Variants in NRCAM observed in about 807,000 individuals in gnomAD.
NRCAM encodes the protein NgCAM-related cell adhesion molecule.
NRCAM carries 83 observed loss-of-function variants against 156.5 expected under a neutral mutation model. The observed-to-expected ratio is 0.53, with a 90% CI of 0.44 to 0.64. The LOEUF (loss-of-function observed/expected upper bound fraction) is 0.64. Among genes scored for constraint, NRCAM ranks in the 30% least tolerant of loss-of-function variants. The pLI is 0.00. For missense variants in NRCAM, 1,417 were observed against 1,597.3 expected, an observed-to-expected ratio of 0.89 and a Z score of 1.92; for synonymous variants, 538 against 563.9, an observed-to-expected ratio of 0.95 and a Z score of 0.65.
chr7:108,234,172 C>T (rs2094641518), intron 6 of NRCAM, among the ~76,000 whole-genome samples: 1 of 152,148 alleles, frequency 6.6e-6, no homozygotes, highest in African/African-American at 2.4e-5. Flanking sequence ...TTGCCTGTGC[C>T]TTATGGCCAT....
At chr7:108,439,959 G>C (rs2154479989) in intron 1 of NRCAM, among the ~76,000 whole-genome samples, 1 of 152,022 alleles carries the variant, frequency 6.6e-6, no homozygotes, top group Middle Eastern at 3.4e-3. Flanking sequence ...AAATAGTTTG[G>C]TAATGTCTTA....
intron 1 of NRCAM, among the ~76,000 whole-genome samples, chr7:108,404,810 C>T (rs1234657342): frequency 6.6e-6 from 1 of 152,136 alleles, no homozygotes; most frequent in Non-Finnish European, 1.5e-5. Context: ...ACAATGAGAG[C>T]CCTGCCACCC....
intron 3 of NRCAM, among the ~76,000 whole-genome samples, chr7:108,311,180 G>T (rs972680798): frequency 1.3e-5 from 2 of 152,104 alleles, no homozygotes; most frequent in African/African-American, 4.8e-5. Flanking sequence ...CTACCTTATA[G>T]ATATCAGACA....
In NRCAM at chr7:108,232,365, C is replaced by T. The variant is rs766898144; in HGVS notation, c.388G>A (p.Gly130Arg). ...ACAATGTTATTAGAAACTGCAGCTC[C>T]GCGTTCGTTCCTTGCTGTACACTGA... ...VYQCTARNERGAAVSNNIVVR... is the reference protein window; with the variant it reads ...VYQCTARNERRAAVSNNIVVR... The change falls in exon 7 of 33, where the codon GGA becomes AGA. Residue 130 changes from glycine (G) to arginine (R), a missense_variant. Around this residue, in one of 2 missense-constraint regions of NRCAM, gnomAD observed 1,238 missense variants for 1,336.4 expected, o/e 0.93. Transcript: ENST00000379028. 5 of 1,608,926 alleles carry T rather than the reference C, an allele frequency of 3.1e-6. No individual in the cohort carries two copies. Among genetic ancestry groups the T allele is most frequent in the South Asian group, 1.1e-5 (1 of 89,866 alleles).
At chr7:108,409,642 G>T (rs1170222654) in intron 1 of NRCAM, among the ~76,000 whole-genome samples, 1 of 152,190 alleles carries the variant, frequency 6.6e-6, no homozygotes, top group Non-Finnish European at 1.5e-5. Context: ...TGGGGGAGGA[G>T]GAGCATGATG....
chr7:108,296,082 G>A (rs2098449252), intron 3 of NRCAM, among the ~76,000 whole-genome samples: 1 of 152,214 alleles, frequency 6.6e-6, no homozygotes, highest in Non-Finnish European at 1.5e-5. Context: ...ATGGAAGTCA[G>A]ACACTTCTGC....
chr7:108,308,359 T>A (rs1205319212), intron 3 of NRCAM, among the ~76,000 whole-genome samples: 1 of 152,198 alleles, frequency 6.6e-6, no homozygotes, highest in Non-Finnish European at 1.5e-5. Context: ...AAGCCAAAAG[T>A]ACAGCAAGGA....
chr7:108,427,015 T>G (rs555683925), intron 1 of NRCAM, among the ~76,000 whole-genome samples: 1 of 152,226 alleles, frequency 6.6e-6, no homozygotes, highest in South Asian at 2.1e-4. Context: ...CCAATCTACT[T>G]CTCCATATTC....
intron 8 of NRCAM, 58 bp downstream of exon 8, chr7:108,230,973 T>A: frequency 7.4e-7 from 1 of 1,357,150 alleles, no homozygotes; most frequent in Non-Finnish European, 1.0e-6. Context: ...TAATGTATTA[T>A]GACTGTAAAC....
At chr7:108,366,023 C>A (rs1281876800) in intron 2 of NRCAM, among the ~76,000 whole-genome samples, 1 of 152,064 alleles carries the variant, frequency 6.6e-6, no homozygotes, top group Admixed American at 6.6e-5. Flanking sequence ...GAGACTGGGG[C>A]CCTCATAGAA....
intron 3 of NRCAM, among the ~76,000 whole-genome samples, chr7:108,258,441 C>T (rs1264669222): frequency 6.6e-6 from 1 of 152,168 alleles, no homozygotes; most frequent in East Asian, 1.9e-4. Flanking sequence ...CTTCTTTTTA[C>T]ACCATACATT....
At chr7:108,392,931 C>T (rs916183016) in intron 2 of NRCAM, among the ~76,000 whole-genome samples, 12 of 152,128 alleles carry the variant, frequency 7.9e-5, no homozygotes, top group South Asian at 2.1e-4. Context: ...CTAGAAGCTT[C>T]GTCTCAGAGG....
At chr7:108,353,159 A>C (rs191480431) in intron 2 of NRCAM, among the ~76,000 whole-genome samples, 1 of 151,924 alleles carries the variant, frequency 6.6e-6, no homozygotes, top group Admixed American at 6.6e-5. Flanking sequence ...CTTGAACATC[A>C]TAACAACCTC....
At chr7:108,324,637 CG>C (rs750169985) in intron 2 of NRCAM, among the ~76,000 whole-genome samples, 5 of 152,086 alleles carry the variant, frequency 3.3e-5, no homozygotes, top group African/African-American at 4.8e-5. Context: ...CCTGTCCAGT[CG>C]GGGGCTGGGT....
intron 25 of NRCAM, among the ~76,000 whole-genome samples, chr7:108,179,712 T>G (rs1051127912): frequency 3.9e-5 from 6 of 152,138 alleles, no homozygotes; most frequent in South Asian, 2.1e-4. Context: ...CCCAATCCAC[T>G]TGGTCAAGAC....
intron 32 of NRCAM, among the ~76,000 whole-genome samples, chr7:108,152,081 T>C (rs1442479891): frequency 6.6e-6 from 1 of 152,150 alleles, no homozygotes; most frequent in Non-Finnish European, 1.5e-5. Flanking sequence ...ACTGGCTTTA[T>C]TTCTAGTGGA....
At chr7:108,378,738 G>A (rs2099687855) in intron 2 of NRCAM, among the ~76,000 whole-genome samples, 3 of 144,096 alleles carry the variant, frequency 2.1e-5, no homozygotes, top group Admixed American at 7.1e-5. Context: ...CAAAGGCAAC[G>A]AAAAAACCTC....
At chr7:108,398,247 C>T (rs2099782497) in intron 2 of NRCAM, among the ~76,000 whole-genome samples, 1 of 152,108 alleles carries the variant, frequency 6.6e-6, no homozygotes, top group Non-Finnish European at 1.5e-5. Flanking sequence ...TGTTCTCAGT[C>T]ACCCACATCA....
chr7:108,432,096 G>C (rs1432453314), intron 1 of NRCAM, among the ~76,000 whole-genome samples: 1 of 152,220 alleles, frequency 6.6e-6, no homozygotes, highest in African/African-American at 2.4e-5. Context: ...ACTTGTGTTA[G>C]CAGTTGCTGG....
Sources: allele counts gnomAD v4.1 joint callset (sites outside exome capture counted in the v4.1 genomes callset), GRCh38; gene constraint gnomAD v4.1.1; regional missense constraint gnomAD v4.1.1; transcripts MANE v1.5; gene names NCBI Gene and HGNC (gene_info 2026-07-23, HGNC 2026-07-21).